Variants in NECAB1 observed in about 807,000 individuals in gnomAD.
The protein encoded by NECAB1 is N-terminal EF-hand calcium binding protein 1, also known as N-terminal EF-hand calcium-binding protein 1.
In NECAB1, 29 loss-of-function variants were observed where a neutral mutation model predicts 57.5. The observed-to-expected ratio is 0.50, with a 90% CI of 0.38 to 0.69. The LOEUF (loss-of-function observed/expected upper bound fraction) is 0.69, where lower values mean the gene tolerates loss of function less well. Ranked by LOEUF, NECAB1 falls within the 30% of genes least tolerant of loss-of-function variation. NECAB1 has a pLI of 0.00. For missense variants in NECAB1, 372 were observed against 413.8 expected, an observed-to-expected ratio of 0.90 and a Z score of 0.88; for synonymous variants, 142 against 147.7, an observed-to-expected ratio of 0.96 and a Z score of 0.28.
intron 2 of NECAB1, among the ~76,000 whole-genome samples, chr8:90,807,474 T>A (rs1278183492): frequency 6.6e-6 from 1 of 152,026 alleles, no homozygotes; most frequent in Non-Finnish European, 1.5e-5. Flanking sequence ...CACTTCAGAG[T>A]CCCGCAGAGC....
chr8:90,931,926 TAAA>T (rs1375779747), intron 8 of NECAB1, among the ~76,000 whole-genome samples: 12 of 150,250 alleles, frequency 8.0e-5, no homozygotes, highest in African/African-American at 2.7e-4. Flanking sequence ...TAAAATAAAA[TAAA>T]CAAAAATAAA....
At chr8:90,928,870 G>GT (rs758370528) in intron 8 of NECAB1, among the ~76,000 whole-genome samples, 4 of 152,016 alleles carry the variant, frequency 2.6e-5, no homozygotes, top group African/African-American at 9.7e-5. Context: ...CTTAGTTATT[G>GT]TTTTTTTATT....
intron 5 of NECAB1, among the ~76,000 whole-genome samples, chr8:90,906,903 A>ATATATATATG (rs1809689089): frequency 7.1e-6 from 1 of 141,536 alleles, no homozygotes; most frequent in African/African-American, 2.7e-5. Flanking sequence ...ATATATATAT[A>ATATATATATG]TATATATCTT....
intron 6 of NECAB1, among the ~76,000 whole-genome samples, chr8:90,917,868 A>ATGTGTG (rs1307227529): frequency 3.1e-5 from 2 of 65,532 alleles, no homozygotes; most frequent in African/African-American, 1.3e-4. Flanking sequence ...ATATATATAT[A>ATGTGTG]TATGTGTGTG....
intron 3 of NECAB1, among the ~76,000 whole-genome samples, chr8:90,835,190 A>G (rs1035923507): frequency 3.3e-5 from 5 of 152,116 alleles, no homozygotes; most frequent in Non-Finnish European, 7.4e-5. Flanking sequence ...CTTGCTTTTC[A>G]TTGATTCTCA....
At chr8:90,802,751 A>G (rs1437722273) in intron 2 of NECAB1, among the ~76,000 whole-genome samples, 1 of 152,238 alleles carries the variant, frequency 6.6e-6, no homozygotes, top group Non-Finnish European at 1.5e-5. Flanking sequence ...CCAAGTCCCA[A>G]TAATATTTAG....
At chr8:90,928,604 T>C (rs1332317808) in intron 8 of NECAB1, among the ~76,000 whole-genome samples, 2 of 152,204 alleles carry the variant, frequency 1.3e-5, no homozygotes, top group Non-Finnish European at 2.9e-5. Flanking sequence ...TAGGTGACAG[T>C]GTGCTTGAAT....
intron 4 of NECAB1, among the ~76,000 whole-genome samples, chr8:90,879,890 TA>T (rs1296061628): frequency 6.6e-6 from 1 of 152,216 alleles, no homozygotes; most frequent in Non-Finnish European, 1.5e-5. Context: ...GAATGCATTT[TA>T]CTTTTTGTCA....
intron 5 of NECAB1, among the ~76,000 whole-genome samples, chr8:90,882,804 G>A (rs1174427056): frequency 2.0e-5 from 3 of 151,938 alleles, no homozygotes; most frequent in African/African-American, 7.2e-5. Context: ...TGTTTTTTTA[G>A]GTTTTTTTGT....
At chr8:90,811,418 G>A (rs1257958740) in intron 2 of NECAB1, among the ~76,000 whole-genome samples, 1 of 152,148 alleles carries the variant, frequency 6.6e-6, no homozygotes, top group Non-Finnish European at 1.5e-5. Flanking sequence ...AGGAGGAAGA[G>A]GTCTCTGGGA....
chr8:90,878,255 C>T (rs1808766620), intron 4 of NECAB1, among the ~76,000 whole-genome samples: 1 of 152,158 alleles, frequency 6.6e-6, no homozygotes, highest in African/African-American at 2.4e-5. Flanking sequence ...TCTCTCTCCT[C>T]TCTGACTTTA....
chr8:90,865,630 C>T (rs749368490), intron 3 of NECAB1, among the ~76,000 whole-genome samples: 58 of 152,170 alleles, frequency 3.8e-4, no homozygotes, highest in Non-Finnish European at 7.1e-4. Flanking sequence ...TCCACTTCTA[C>T]CCTGGTATGG....
In NECAB1 at chr8:90,899,711, A is replaced by G. The variant is rs550917753; in HGVS notation, c.358-17781A>G. Among the ~76,000 whole-genome samples, 3 of 152,244 alleles carry G rather than the reference A, an allele frequency of 2.0e-5. No individual in the cohort carries two copies. The South Asian group carries it at 6.2e-4, about 32-fold the overall frequency. On this transcript the variant is annotated intron_variant, in intron 5 of 12. Coordinates refer to ENST00000417640, the MANE Select transcript of NECAB1 (RefSeq NM_022351.5). ...TGTGTGATATTGTACAGTACATTTG[A>G]TTTTTGTATGTGTTTATTATACCTT...
chr8:90,904,843 T>C (rs1017352556), intron 5 of NECAB1, among the ~76,000 whole-genome samples: 1 of 152,152 alleles, frequency 6.6e-6, no homozygotes, highest in African/African-American at 2.4e-5. Flanking sequence ...AAAAAAATAC[T>C]GGACTGTTCA....
intron 1 of NECAB1, among the ~76,000 whole-genome samples, chr8:90,796,235 C>T (rs749504261): frequency 1.1e-4 from 16 of 152,152 alleles, no homozygotes; most frequent in Admixed American, 4.6e-4. Flanking sequence ...GAGAGACTCC[C>T]ATCTGACCCC....
intron 11 of NECAB1, among the ~76,000 whole-genome samples, chr8:90,950,267 G>A (rs1810898911): frequency 6.6e-6 from 1 of 152,066 alleles, no homozygotes; most frequent in South Asian, 2.1e-4. Flanking sequence ...AGGATAGTCT[G>A]TGCAGTTATT....
In NECAB1 at chr8:90,958,820, TG is replaced by T; in HGVS notation, c.*3309del. 1 of 445,616 alleles carries T rather than the reference TG, an allele frequency of 2.2e-6. No individual in the cohort carries two copies. The highest frequency in any genetic ancestry group is 3.9e-6 in the Non-Finnish European group (1 of 254,208). 27.6% of individuals were successfully genotyped at this position (445,616 alleles called of 1,614,324 possible). On this transcript the variant is annotated 3_prime_UTR_variant, in exon 13 of 13. Transcript: ENST00000417640. ...TTCCCAATTTATGCAGGAAACCTCC[TG>T]CAAAGCTGAAACTGATTAGAAAATT...
intron 3 of NECAB1, among the ~76,000 whole-genome samples, chr8:90,867,294 G>A (rs1160161067): frequency 1.3e-5 from 2 of 151,942 alleles, no homozygotes; most frequent in Non-Finnish European, 2.9e-5. Flanking sequence ...TTATTCTTTT[G>A]GAAATTCAAA....
At chr8:90,805,468 G>A (rs1220642784) in intron 2 of NECAB1, among the ~76,000 whole-genome samples, 2 of 151,696 alleles carry the variant, frequency 1.3e-5, no homozygotes, top group Non-Finnish European at 1.5e-5. Flanking sequence ...ACACATTAAC[G>A]ATTAGCTATA....
Sources: allele counts gnomAD v4.1 joint callset (sites outside exome capture counted in the v4.1 genomes callset), GRCh38; gene constraint gnomAD v4.1.1; transcripts MANE v1.5; gene names NCBI Gene and HGNC (gene_info 2026-07-23, HGNC 2026-07-21).